The following ATXN8OS variants were observed in gnomAD, a reference collection of about 807,000 sequenced individuals.
ATXN8OS encodes the protein ATXN8 opposite strand (non-protein coding).
exon 1 of ATXN8OS, chr13:70,107,779 CG>C (rs1259938365): frequency 6.1e-6 from 7 of 1,141,844 alleles, no homozygotes; most frequent in African/African-American, 1.6e-5. Context: ...CAGCGGGGCC[CG>C]GGGGCGGAGG....
chr13:70,131,176 TATAG>T (rs1218260948), intron 3 of ATXN8OS: 1 of 398,354 alleles, frequency 2.5e-6, no homozygotes, highest in African/African-American at 2.1e-5. Context: ...GGAAAGTCAA[TATAG>T]AGAGTAAGAA....
rs1322238657 is a variant in ATXN8OS, at chr13:70,160,815, A to T, written n.574-8938A>T. On this transcript the variant is annotated intron_variant and non_coding_transcript_variant, in intron 4 of 4. Transcript: ENST00000678624. ...TTATAAATATATTTATTATAAATAT[A>T]TATAAATATATATTTATATATATAA... Among the ~76,000 whole-genome samples the T allele has an allele frequency of 3.4e-5, 4 of 118,592 alleles. 2 individuals carry two copies. In the East Asian group the frequency reaches 8.5e-4, roughly 25 times the overall value. 77.8% of individuals were successfully genotyped at this position (118,592 alleles called of 152,430 possible). A position where few individuals can be genotyped will look rare whatever the true frequency, so the allele number is the denominator to read the frequency against.
rs375568204 is a variant in ATXN8OS, at chr13:70,139,351, TTACTACTACTAC to T, written n.500-7981_500-7970del. 78 of 548,226 alleles carry T rather than the reference TTACTACTACTAC, an allele frequency of 1.4e-4. 8 individuals are homozygous for T. The highest frequency in any genetic ancestry group is 4.1e-4 in the Admixed American group (14 of 34,090). 34.0% of individuals were successfully genotyped at this position (548,226 alleles called of 1,614,324 possible). A position where few individuals can be genotyped will look rare whatever the true frequency, so the allele number is the denominator to read the frequency against. On this transcript the variant is annotated intron_variant and non_coding_transcript_variant, in intron 3 of 4. Coordinates refer to ENST00000678624, the Ensembl canonical transcript of ATXN8OS. The stretch of plus-strand genomic sequence containing the variant: ...GTCCTTCATGTTAGAAAACCTGGCT[TTACTACTACTAC>T]TACTACTACTACTACTACTACTGCT...
chr13:70,143,831 A>G (rs1240716487), intron 3 of ATXN8OS, among the ~76,000 whole-genome samples: 1 of 152,150 alleles, frequency 6.6e-6, no homozygotes, highest in African/African-American at 2.4e-5. Context: ...GGGAGTATGG[A>G]AATTAGTTAT....
intron 3 of ATXN8OS, among the ~76,000 whole-genome samples, chr13:70,133,016 A>T (rs180959327): frequency 6.6e-6 from 1 of 152,278 alleles, no homozygotes; most frequent in Admixed American, 6.5e-5. Flanking sequence ...CTAATATTCA[A>T]CCCTTAAACT....
At chr13:70,136,916 G>T (rs1308553420) in intron 3 of ATXN8OS, among the ~76,000 whole-genome samples, 5 of 152,076 alleles carry the variant, frequency 3.3e-5, no homozygotes, top group Admixed American at 2.6e-4. Context: ...TAATAGAAGC[G>T]TGTTCCACAT....
exon 5 of ATXN8OS, among the ~76,000 whole-genome samples, chr13:70,171,254 C>T (rs1889140672): frequency 6.6e-6 from 1 of 152,070 alleles, no homozygotes; most frequent in Admixed American, 6.6e-5. Context: ...GCCAGATGGG[C>T]ACAAGAGTAG....
intron 1 of ATXN8OS, among the ~76,000 whole-genome samples, chr13:70,112,920 A>ATATTT (rs1555298511): frequency 1.7e-4 from 15 of 87,574 alleles, no homozygotes; most frequent in East Asian, 8.3e-4. Flanking sequence ...TATATATATA[A>ATATTT]TTTTTTTTTT....
At chr13:70,129,785 T>C (rs1371612926) in exon 3 of ATXN8OS, 2 of 398,330 alleles carry the variant, frequency 5.0e-6, no homozygotes, top group Admixed American at 4.4e-5. Flanking sequence ...TTGCAATAGC[T>C]ATGGCAACCA....
intron 2 of ATXN8OS, among the ~76,000 whole-genome samples, chr13:70,125,619 G>T (rs952598199): frequency 1.1e-4 from 17 of 152,190 alleles, no homozygotes; most frequent in Admixed American, 2.0e-4. Flanking sequence ...ACATGAACTG[G>T]AATACTTGTT....
intron 1 of ATXN8OS, among the ~76,000 whole-genome samples, chr13:70,110,063 A>G (rs934486199): frequency 3.3e-5 from 5 of 152,158 alleles, no homozygotes; most frequent in Admixed American, 6.5e-5. Context: ...TGCAATACTA[A>G]TAAGAATATT....
At chr13:70,136,817 A>G (rs927490926) in intron 3 of ATXN8OS, among the ~76,000 whole-genome samples, 1 of 152,206 alleles carries the variant, frequency 6.6e-6, no homozygotes, top group Non-Finnish European at 1.5e-5. Flanking sequence ...TCAACTTACA[A>G]CAATATAAAA....
chr13:70,149,425 A>G (rs1888835798), intron 4 of ATXN8OS, among the ~76,000 whole-genome samples: 1 of 152,152 alleles, frequency 6.6e-6, no homozygotes, highest in East Asian at 1.9e-4. Context: ...AGACATCGTC[A>G]ATCATTAAGT....
chr13:70,161,860 A>G (rs1459896925), intron 4 of ATXN8OS, among the ~76,000 whole-genome samples: 1 of 152,082 alleles, frequency 6.6e-6, no homozygotes, highest in Non-Finnish European at 1.5e-5. Flanking sequence ...CAATATTGAC[A>G]TCAATTTTTA....
chr13:70,137,268 T>A (rs1172191751), intron 3 of ATXN8OS, among the ~76,000 whole-genome samples: 2 of 152,322 alleles, frequency 1.3e-5, no homozygotes, highest in South Asian at 4.1e-4. Flanking sequence ...CTTTAAGTAG[T>A]TATCTTAACA....
intron 2 of ATXN8OS, among the ~76,000 whole-genome samples, chr13:70,123,686 T>A (rs1888391480): frequency 6.6e-6 from 1 of 152,124 alleles, no homozygotes; most frequent in Non-Finnish European, 1.5e-5. Context: ...CCAATAACAA[T>A]TCACCATTAA....
chr13:70,135,565 T>C (rs148334891), intron 3 of ATXN8OS, among the ~76,000 whole-genome samples: 83 of 152,326 alleles, frequency 5.4e-4, no homozygotes, highest in African/African-American at 1.9e-3. Context: ...TATGGACTCA[T>C]GATTCTGCTT....
At chr13:70,115,134 C>T in intron 1 of ATXN8OS, 1 of 398,174 alleles carries the variant, frequency 2.5e-6, no homozygotes, top group Non-Finnish European at 4.4e-6. Context: ...AATTTATTCT[C>T]TCATAGTTCT....
chr13:70,167,723 C>CTTTTTTTTTTTTTTTTTTTTTT lies in ATXN8OS; in HGVS notation n.574-2025_574-2004dup, dbSNP rs4053603. Among the ~76,000 whole-genome samples the CTTTTTTTTTTTTTTTTTTTTTT allele has an allele frequency of 2.6e-4, 16 of 61,896 alleles. 3 individuals are homozygous for CTTTTTTTTTTTTTTTTTTTTTT. Among genetic ancestry groups the CTTTTTTTTTTTTTTTTTTTTTT allele is most frequent in the African/African-American group, 7.3e-4 (13 of 17,844 alleles). The allele number at this position is 61,896 out of a possible 152,430, so 40.6% of individuals were successfully genotyped here. A position where few individuals can be genotyped will look rare whatever the true frequency, so the allele number is the denominator to read the frequency against. On this transcript the variant is annotated intron_variant and non_coding_transcript_variant, in intron 4 of 4. Coordinates refer to ENST00000678624, the Ensembl canonical transcript of ATXN8OS. Reference sequence around the variant, plus strand: ...AATACTATCACAACATATGTAACTTCTTTTTTTTTTTTTTTTTTTTTTTTT... The same window carrying CTTTTTTTTTTTTTTTTTTTTTT: ...AATACTATCACAACATATGTAACTTCTTTTTTTTTTTTTTTTTTTTTTTTTTTTTTTTTTTTTTTTTTTTTTT...
Sources: allele counts gnomAD v4.1 joint callset (sites outside exome capture counted in the v4.1 genomes callset), GRCh38; gene constraint gnomAD v4.1.1; transcripts MANE v1.5; gene names NCBI Gene and HGNC (gene_info 2026-07-23, HGNC 2026-07-21).